TXNDC16: variants seen among roughly 807,000 people sequenced by gnomAD.
The protein encoded by TXNDC16 is thioredoxin domain-containing protein 16.
TXNDC16 carries 74 observed loss-of-function variants against 85.6 expected under a neutral mutation model. The ratio of observed to expected loss-of-function variants is 0.86; its 90% CI spans 0.72 to 1.05. The LOEUF (loss-of-function observed/expected upper bound fraction) is 1.05, where lower values mean the gene tolerates loss of function less well. TXNDC16 is among the 50% of genes least tolerant of loss of function. The probability of loss-of-function intolerance (pLI) is 0.00; values close to 1 mark genes in which losing one functional copy is unlikely to be tolerated. For missense variants in TXNDC16, 959 were observed against 947.0 expected, an observed-to-expected ratio of 1.01 and a Z score of -0.17; for synonymous variants, 335 against 326.5, an observed-to-expected ratio of 1.03 and a Z score of -0.28.
chr14:52,462,213 GTTC>G (rs2035668475), intron 16 of TXNDC16, among the ~76,000 whole-genome samples: 1 of 152,092 alleles, frequency 6.6e-6, no homozygotes, highest in African/African-American at 2.4e-5. Context: ...TAGTCAGCAA[GTTC>G]TTTATATTTT....
intron 9 of TXNDC16, among the ~76,000 whole-genome samples, chr14:52,491,933 T>G (rs1469444820): frequency 6.6e-6 from 1 of 152,182 alleles, no homozygotes; most frequent in East Asian, 1.9e-4. Context: ...AAACTAAGTT[T>G]TAACTACAGA....
intron 9 of TXNDC16, among the ~76,000 whole-genome samples, chr14:52,503,432 C>A (rs747251953): frequency 9.2e-5 from 14 of 152,226 alleles, no homozygotes; most frequent in Non-Finnish European, 1.6e-4. Flanking sequence ...CGCTGTTCTG[C>A]AGCCTCTGCT....
chr14:52,481,732 C>G (rs191641317), intron 14 of TXNDC16, among the ~76,000 whole-genome samples: 5 of 152,010 alleles, frequency 3.3e-5, no homozygotes, highest in Non-Finnish European at 7.4e-5. Context: ...TTTATTTGCC[C>G]ACTATTAAAT....
chr14:52,537,793 T>G (rs1594764499), intron 4 of TXNDC16, 121 bp from the exon 5 acceptor site: 1 of 619,766 alleles, frequency 1.6e-6, no homozygotes, highest in East Asian at 2.8e-5. Context: ...GTATTTTATG[T>G]TTTTTTCTGA....
chr14:52,515,669 A>ATATG (rs1431250631), intron 7 of TXNDC16, among the ~76,000 whole-genome samples: 2,229 of 144,316 alleles, frequency 0.015, 39 homozygotes, highest in African/African-American at 0.023. Context: ...TTTCATACAT[A>ATATG]TGTGTGTGTG....
intron 12 of TXNDC16, among the ~76,000 whole-genome samples, chr14:52,486,811 T>C (rs1187591724): frequency 6.6e-6 from 1 of 152,174 alleles, no homozygotes; most frequent in African/African-American, 2.4e-5. Context: ...AGAAACAGGC[T>C]GGAGGTTATT....
intron 12 of TXNDC16, 21 bp downstream of exon 12, chr14:52,488,342 G>T (rs761365488): frequency 8.7e-6 from 14 of 1,610,230 alleles, no homozygotes; most frequent in Admixed American, 1.7e-5. Flanking sequence ...TGGGGAAGGG[G>T]TGAGAATCAT....
At chr14:52,506,714 G>A (rs1270705271) in intron 9 of TXNDC16, among the ~76,000 whole-genome samples, 4 of 142,340 alleles carry the variant, frequency 2.8e-5, no homozygotes, top group East Asian at 4.4e-4. Flanking sequence ...CCGCCACCGC[G>A]CCCGGCTAAT....
In TXNDC16 at chr14:52,437,641, A is replaced by G. The variant is rs139282858; in HGVS notation, c.2194+1563T>C. On this transcript the variant is annotated intron_variant, in intron 20 of 20. Transcript: ENST00000281741. The stretch of plus-strand genomic sequence containing the variant: ...GTAAAAAGATAACCCACAGAATGGA[A>G]TAAAATATTAGCAAACTACCTGTCT... 3.3e-3 allele frequency among the ~76,000 whole-genome samples: 500 copies of G among 152,310 alleles called. 1 individual carries two copies. The highest frequency in any genetic ancestry group is 0.01 in the Middle Eastern group (3 of 294).
Position 52,543,584 on chromosome 14 carries a change from A to G in TXNDC16, c.-27T>C. 6.2e-7 allele frequency: 1 copy of G among 1,610,454 alleles called. No individual in the cohort carries two copies. Among genetic ancestry groups the G allele is most frequent in the South Asian group, 1.1e-5 (1 of 90,182 alleles). ...ATCAGCTGCAGTTGTATCTGAGCGG[A>G]TTTTGTCTGTTTTTTCACTGCTGTG... On this transcript the variant is annotated 5_prime_UTR_variant, in exon 3 of 21. Coordinates refer to ENST00000281741, the MANE Select transcript of TXNDC16 (RefSeq NM_020784.3).
At chr14:52,446,578 A>C (rs1330910191) in intron 18 of TXNDC16, among the ~76,000 whole-genome samples, 4 of 152,132 alleles carry the variant, frequency 2.6e-5, no homozygotes, top group Non-Finnish European at 5.9e-5. Context: ...TGACCTACTG[A>C]GATACCAGCC....
At chr14:52,541,624 C>T (rs984832178) in intron 4 of TXNDC16, among the ~76,000 whole-genome samples, 3 of 152,096 alleles carry the variant, frequency 2.0e-5, no homozygotes, top group Middle Eastern at 3.2e-3. Context: ...AGACCAAGAG[C>T]GACCATAGCC....
At chr14:52,486,501 C>A (rs891697965) in intron 12 of TXNDC16, among the ~76,000 whole-genome samples, 9 of 151,846 alleles carry the variant, frequency 5.9e-5, no homozygotes, top group African/African-American at 1.9e-4. Flanking sequence ...CAGGCTGGAA[C>A]ACATGCTTCT....
chr14:52,478,048 A>G (rs2036058591), intron 14 of TXNDC16, among the ~76,000 whole-genome samples: 1 of 152,188 alleles, frequency 6.6e-6, no homozygotes. Context: ...ATGCAAATAC[A>G]TGGAAATTAA....
chr14:52,493,216 T>TATATATATATACACACAC, intron 9 of TXNDC16, among the ~76,000 whole-genome samples: 1 of 115,940 alleles, frequency 8.6e-6, no homozygotes, highest in African/African-American at 3.5e-5. Flanking sequence ...TATATATATA[T>TATATATATATACACACAC]ACACACACAC....
Position 52,439,408 on chromosome 14 carries a change from C to T in TXNDC16, c.2004-14G>A. ...GGAGTATTCTTTCTGCAAAAGGGAA[C>T]AATTGAACATATTAATATTTCTTTC... On this transcript the variant is annotated splice_polypyrimidine_tract_variant and intron_variant, in intron 19 of 20. Coordinates refer to ENST00000281741, the MANE Select transcript of TXNDC16 (RefSeq NM_020784.3). 1 of 1,597,342 alleles carries T rather than the reference C, an allele frequency of 6.3e-7. No individual in the cohort carries two copies. The highest frequency in any genetic ancestry group is 8.5e-7 in the Non-Finnish European group (1 of 1,170,618).
At chr14:52,487,386 T>C (rs2036295049) in intron 12 of TXNDC16, among the ~76,000 whole-genome samples, 2 of 152,186 alleles carry the variant, frequency 1.3e-5, no homozygotes, top group African/African-American at 4.8e-5. Flanking sequence ...GATATGTAAA[T>C]TGCTTCCTTC....
intron 16 of TXNDC16, among the ~76,000 whole-genome samples, chr14:52,467,605 G>A (rs1314378493): frequency 2.6e-5 from 4 of 152,104 alleles, no homozygotes; most frequent in South Asian, 4.1e-4. Context: ...AACGAATATT[G>A]GCAAGGATGT....
rs1020401003 is a variant in TXNDC16, at chr14:52,549,376, A to T, written c.-182+2940T>A. 3.3e-5 allele frequency among the ~76,000 whole-genome samples: 5 copies of T among 152,224 alleles called. No individual in the cohort carries two copies. In the South Asian group the frequency reaches 1.0e-3, roughly 31 times the overall value. On this transcript the variant is annotated intron_variant, in intron 1 of 20. Transcript: ENST00000281741. Reference sequence around the variant, plus strand: ...GGCTCCGTGAGACAATAGTAGAAAAAGGGCTAAAGCGTGCACATAAAATGT... The same window carrying T: ...GGCTCCGTGAGACAATAGTAGAAAATGGGCTAAAGCGTGCACATAAAATGT...
Sources: allele counts gnomAD v4.1 joint callset (sites outside exome capture counted in the v4.1 genomes callset), GRCh38; gene constraint gnomAD v4.1.1; transcripts MANE v1.5; gene names NCBI Gene and HGNC (gene_info 2026-07-23, HGNC 2026-07-21).